ASCC2: variants seen among roughly 807,000 people sequenced by gnomAD.
ASCC2 encodes the protein ASC-1 complex subunit P100.
ASCC2 carries 42 observed loss-of-function variants against 93.5 expected under a neutral mutation model. The observed-to-expected ratio is 0.45, with a 90% CI of 0.35 to 0.58. ASCC2 has a LOEUF of 0.58. Among genes scored for constraint, ASCC2 ranks in the 20% least tolerant of loss-of-function variants. ASCC2 has a pLI of 0.00. For synonymous variants in ASCC2, 364 were observed against 384.2 expected (o/e 0.95, Z 0.62); for missense variants, 859 against 977.6 (o/e 0.88, Z 1.62).
rs117609310 is a variant in ASCC2, at chr22:29,804,104, C to T, written c.1353+534G>A. On this transcript the variant is annotated intron_variant, in intron 13 of 19. Transcript: ENST00000307790. ...GGTCTTCATCTCTCTTATCATGCTG[C>T]CTCCCAACATGCAGGGGAGAGTCCT... Among the ~76,000 whole-genome samples the T allele has an allele frequency of 1.4e-3, 214 of 152,340 alleles. 5 individuals carry two copies. In the East Asian group the frequency reaches 0.033, roughly 24 times the overall value.
chr22:29,827,487 A>C, intron 2 of ASCC2: 2 of 437,980 alleles, frequency 4.6e-6, no homozygotes, highest in Non-Finnish European at 9.5e-6. Context: ...GCGAGTTTCC[A>C]AACTGTAGAG....
rs752246360 is a variant in ASCC2 at position 29,814,647 on chromosome 22, G to A, written c.720+10C>T. On this transcript the variant is annotated intron_variant, in intron 7 of 19. Transcript: ENST00000307790. The stretch of plus-strand genomic sequence containing the variant: ...GGCAGGAAAGAGACTGGGCCGAAGG[G>A]CAACCTTACCAGGAGAGGCATGTCA... 6.3e-7 allele frequency: 1 copy of A among 1,584,178 alleles called. No individual in the cohort carries two copies. Among genetic ancestry groups the A allele is most frequent in the Admixed American group, 1.9e-5 (1 of 53,890 alleles).
chr22:29,795,212 C>T (rs2147452580), intron 15 of ASCC2, among the ~76,000 whole-genome samples: 2 of 152,088 alleles, frequency 1.3e-5, no homozygotes, highest in Middle Eastern at 3.4e-3. Context: ...CAGGAATGAG[C>T]CACCGTGCCC....
In ASCC2 at chr22:29,825,923, T is replaced by A; in HGVS notation, c.82-143A>T. 1.1e-6 allele frequency: 1 copy of A among 903,204 alleles called. No individual in the cohort carries two copies. Among genetic ancestry groups the A allele is most frequent in the South Asian group, 1.7e-5 (1 of 59,704 alleles). The allele number at this position is 903,204 out of a possible 1,614,324, so 55.9% of individuals were successfully genotyped here. A position where few individuals can be genotyped will look rare whatever the true frequency, so the allele number is the denominator to read the frequency against. ...TTAAGCATAAAGAACCAAGTGTATC[T>A]AACAAAGAGGGCATGGTTGCATTCA... On this transcript the variant is annotated intron_variant, in intron 2 of 19. Coordinates refer to ENST00000307790, the MANE Select transcript of ASCC2 (RefSeq NM_032204.5). This position sits in a 1 kb window ranked among gnomAD's most constrained non-coding sequence, Gnocchi z 4.9.
At chr22:29,831,195 T>C (rs2148369592) in intron 2 of ASCC2, among the ~76,000 whole-genome samples, 1 of 152,288 alleles carries the variant, frequency 6.6e-6, no homozygotes. Context: ...CACTTCCAGA[T>C]TTTCTGATAA....
At chr22:29,809,081 C>T (rs1010460911) in intron 8 of ASCC2, among the ~76,000 whole-genome samples, 4 of 146,952 alleles carry the variant, frequency 2.7e-5, no homozygotes, top group African/African-American at 7.6e-5. Context: ...GATCGCCCCC[C>T]ACTGAACTCC....
At chr22:29,801,157 A>C in intron 14 of ASCC2, 47 bp from the exon 15 acceptor site, 1 of 1,557,142 alleles carries the variant, frequency 6.4e-7, no homozygotes, top group East Asian at 2.3e-5. Context: ...CTGCCAGCTG[A>C]TGCAATCTGC....
chr22:29,813,969 C>T (rs1442093835), intron 7 of ASCC2, among the ~76,000 whole-genome samples: 1 of 152,226 alleles, frequency 6.6e-6, no homozygotes, highest in African/African-American at 2.4e-5. Context: ...GTTTCTTACA[C>T]ACTTTCCTGG....
rs1241135520 is a variant in ASCC2 at position 29,788,939 on chromosome 22, G to A, written c.*74C>T. On this transcript the variant is annotated 3_prime_UTR_variant, in exon 20 of 20. Coordinates refer to ENST00000307790, the MANE Select transcript of ASCC2 (RefSeq NM_032204.5). The stretch of plus-strand genomic sequence containing the variant: ...GAGTTGAACTTGGGGCCCCTAGTGA[G>A]GAGGCCCCAGGCGATGGGAGCACGG... The A allele has an allele frequency of 6.3e-7, 1 of 1,583,598 alleles. No homozygotes were observed. The highest frequency in any genetic ancestry group is 8.6e-7 in the Non-Finnish European group (1 of 1,157,210).
chr22:29,790,070 CA>C (rs1004925689), intron 19 of ASCC2, among the ~76,000 whole-genome samples: 1 of 152,206 alleles, frequency 6.6e-6, no homozygotes, highest in Non-Finnish European at 1.5e-5. Context: ...ATACCTCTAT[CA>C]GCCAGAAAGG....
At chr22:29,815,259 T>G (rs984093214) in intron 6 of ASCC2, 1 of 158,978 alleles carries the variant, frequency 6.3e-6, no homozygotes, top group Non-Finnish European at 1.4e-5. Flanking sequence ...ATTGTGCCAC[T>G]GCACTCTAGC....
chr22:29,810,936 G>A (rs2060210226), intron 8 of ASCC2, among the ~76,000 whole-genome samples: 1 of 152,204 alleles, frequency 6.6e-6, no homozygotes, highest in South Asian at 2.1e-4. Flanking sequence ...TCACCATGTT[G>A]GCCAGGCTGG....
chr22:29,835,810 T>C (rs536606738), intron 1 of ASCC2, among the ~76,000 whole-genome samples: 92 of 152,258 alleles, frequency 6.0e-4, no homozygotes, highest in Admixed American at 2.3e-3. Context: ...CTGAATACAA[T>C]CTGGGTCCTA....
chr22:29,804,972 C>G (rs2059512991), intron 12 of ASCC2, 142 bp from the exon 13 acceptor site: 2 of 833,784 alleles, frequency 2.4e-6, no homozygotes, highest in East Asian at 2.5e-5. Context: ...CCACGGGCAC[C>G]TGGGCTGCAT....
intron 5 of ASCC2, among the ~76,000 whole-genome samples, chr22:29,818,068 G>A (rs1366770288): frequency 1.3e-5 from 2 of 150,896 alleles, no homozygotes; most frequent in African/African-American, 4.9e-5. Flanking sequence ...GATTGGGATA[G>A]GTACTCAGGA....
chr22:29,809,704 G>A (rs1190608412), intron 8 of ASCC2, among the ~76,000 whole-genome samples: 1 of 152,000 alleles, frequency 6.6e-6, no homozygotes, highest in East Asian at 1.9e-4. Context: ...GCTTGAATCT[G>A]GGAGGTGGAG....
In ASCC2 at chr22:29,790,397, C is replaced by T. The variant is rs1023734809; in HGVS notation, c.2102+72G>A. On this transcript the variant is annotated intron_variant, in intron 19 of 19. Transcript: ENST00000307790. ...GCACTTAGGGTGTACGTGTGGGTTT[C>T]CTGGGTGGCTGGCTAGGCCCTCCCC... is the stretch of plus-strand genomic sequence containing the variant. 1.6e-5 allele frequency: 24 copies of T among 1,528,846 alleles called. No individual in the cohort carries two copies. In the East Asian group the frequency reaches 5.2e-4, roughly 33 times the overall value. The allele number at this position is 1,528,846 out of a possible 1,614,324, so 94.7% of individuals were successfully genotyped here. A position where few individuals can be genotyped will look rare whatever the true frequency, so the allele number is the denominator to read the frequency against.
In ASCC2 at chr22:29,792,457, G is replaced by A. The variant is rs753751289; in HGVS notation, c.1998C>T (p.Asp666=). The change falls in exon 18 of 20, where the codon GAC becomes GAT. Residue 666 remains aspartate, a synonymous_variant. Coordinates refer to ENST00000307790, the MANE Select transcript of ASCC2 (RefSeq NM_032204.5). ...GQEEDDDDEE[D]DADEEAPKPD... is the part of the protein sequence containing the mutation. ...CCTTGGGAGCCTCCTCGTCAGCATC[G>A]TCTTCCTCATCGTCGTCATCCTCCT... 94 of 1,613,792 alleles carry A rather than the reference G, an allele frequency of 5.8e-5. No individual in the cohort carries two copies. Among genetic ancestry groups the A allele is most frequent in the Non-Finnish European group, 6.8e-5 (80 of 1,179,910 alleles).
At chr22:29,816,569 C>T (rs996303109) in intron 5 of ASCC2, 1 of 153,040 alleles carries the variant, frequency 6.5e-6, no homozygotes, top group African/African-American at 2.4e-5. Flanking sequence ...ATACCTTTCA[C>T]TTTTAGATAT....
Sources: gnomAD v4.1 joint callset for allele counts (sites outside exome capture counted in the v4.1 genomes callset) on GRCh38, gnomAD v4.1.1 for gene constraint, Gnocchi (gnomAD v3.1) non-coding constraint, MANE v1.5 for transcripts, NCBI Gene and HGNC (gene_info 2026-07-23, HGNC 2026-07-21) for gene names.